CMC1: variants seen among roughly 807,000 people sequenced by gnomAD.
CMC1 encodes the protein C-X9-C motif containing 1, also known as COX assembly mitochondrial protein homolog.
CMC1 carries 14 observed loss-of-function variants against 14.1 expected under a neutral mutation model. That is an observed-to-expected ratio of 0.99 (90% CI 0.66 to 1.55). The LOEUF (loss-of-function observed/expected upper bound fraction) is 1.55, where lower values mean the gene tolerates loss of function less well. CMC1 is among the 40% of genes most tolerant of loss of function. The pLI is 0.00. For missense variants in CMC1, 127 were observed against 123.8 expected, an observed-to-expected ratio of 1.03 and a Z score of -0.12; for synonymous variants, 50 against 38.4, an observed-to-expected ratio of 1.30 and a Z score of -1.12.
At chr3:28,243,418 G>A (rs894872892) in intron 1 of CMC1, among the ~76,000 whole-genome samples, 5 of 152,210 alleles carry the variant, frequency 3.3e-5, no homozygotes, top group South Asian at 2.1e-4. Context: ...TGAGGAGACT[G>A]AGAATGAGAG....
chr3:28,251,751 A>G (rs1268308123), intron 1 of CMC1, among the ~76,000 whole-genome samples: 1 of 152,240 alleles, frequency 6.6e-6, no homozygotes, highest in Non-Finnish European at 1.5e-5. Context: ...AAGAACCAGT[A>G]GTAACATGGT....
intron 1 of CMC1, 70 bp from the exon 2 acceptor site, chr3:28,263,221 G>C (rs1699824435): frequency 7.6e-6 from 8 of 1,055,974 alleles, no homozygotes; most frequent in Non-Finnish European, 9.8e-6. Context: ...AAGTAAACCA[G>C]AGTCTTATTT....
At position 28,263,270 on chromosome 3, in the gene CMC1, GA is replaced by G; in HGVS notation, c.20-18del. ...GTGATTTGCTTGAGACTTTATTAAA[GA>G]AAGATCTTTTTTTTTTCAGACCAGC... On this transcript the variant is annotated intron_variant, in intron 1 of 3. Coordinates refer to ENST00000466830, the MANE Select transcript of CMC1 (RefSeq NM_182523.2). 1.3e-6 allele frequency: 2 copies of G among 1,550,622 alleles called. No homozygotes were observed. Among genetic ancestry groups the G allele is most frequent in the Non-Finnish European group, 1.8e-6 (2 of 1,137,490 alleles).
chr3:28,259,295 A>C (rs1001405696), intron 1 of CMC1, among the ~76,000 whole-genome samples: 3 of 152,118 alleles, frequency 2.0e-5, no homozygotes, highest in Non-Finnish European at 4.4e-5. Context: ...AAGGATAACA[A>C]TTGACATTGG....
chr3:28,254,176 CA>C (rs1699275719), intron 1 of CMC1, among the ~76,000 whole-genome samples: 1 of 152,078 alleles, frequency 6.6e-6, no homozygotes, highest in African/African-American at 2.4e-5. Flanking sequence ...AGCAAACTTT[CA>C]AAATTTAATT....
At chr3:28,288,480 A>G (rs1701310188) in intron 2 of CMC1, among the ~76,000 whole-genome samples, 1 of 152,014 alleles carries the variant, frequency 6.6e-6, no homozygotes, top group African/African-American at 2.4e-5. Flanking sequence ...ATTACCGTAA[A>G]TGTAACATTA....
intron 1 of CMC1, among the ~76,000 whole-genome samples, chr3:28,257,113 C>G (rs755827975): frequency 9.9e-5 from 15 of 152,152 alleles, no homozygotes; most frequent in Non-Finnish European, 1.9e-4. Context: ...GTGTTGAAAT[C>G]TCCCACTATG....
At chr3:28,245,550 T>C (rs1325140395) in intron 1 of CMC1, among the ~76,000 whole-genome samples, 1 of 152,222 alleles carries the variant, frequency 6.6e-6, no homozygotes, top group African/African-American at 2.4e-5. Context: ...AAGGGAAGTT[T>C]CCTTAATCAG....
At chr3:28,290,768 G>T (rs1701431131) in intron 2 of CMC1, among the ~76,000 whole-genome samples, 1 of 151,862 alleles carries the variant, frequency 6.6e-6, no homozygotes, top group Non-Finnish European at 1.5e-5. Context: ...TTTAAAACGA[G>T]GATTAACATT....
At chr3:28,275,571 AT>A (rs1303921366) in intron 2 of CMC1, among the ~76,000 whole-genome samples, 1 of 151,578 alleles carries the variant, frequency 6.6e-6, no homozygotes, top group Non-Finnish European at 1.5e-5. Flanking sequence ...CAACCCCCCG[AT>A]TGGGTCTCAC....
intron 1 of CMC1, among the ~76,000 whole-genome samples, chr3:28,260,515 T>G (rs533463102): frequency 6.6e-6 from 1 of 152,224 alleles, no homozygotes; most frequent in East Asian, 1.9e-4. Flanking sequence ...GTTTATAAAT[T>G]TTATTGATCT....
At chr3:28,295,435 A>G (rs1701687768) in intron 2 of CMC1, among the ~76,000 whole-genome samples, 1 of 152,144 alleles carries the variant, frequency 6.6e-6, no homozygotes, top group African/African-American at 2.4e-5. Flanking sequence ...CACTGGCTAT[A>G]AAAACTATGT....
At chr3:28,276,533 A>G (rs190008972) in intron 2 of CMC1, among the ~76,000 whole-genome samples, 3 of 152,304 alleles carry the variant, frequency 2.0e-5, no homozygotes, top group East Asian at 1.9e-4. Context: ...TTATTTTGCT[A>G]TAATAGACTT....
At chr3:28,292,005 T>C (rs1384332249) in intron 2 of CMC1, 1 of 152,184 alleles carries the variant, frequency 6.6e-6, no homozygotes, top group African/African-American at 2.4e-5. Flanking sequence ...TTTGTTTTGT[T>C]TTTGTTTTTG....
chr3:28,245,055 C>T (rs1037715836), intron 1 of CMC1, among the ~76,000 whole-genome samples: 1 of 151,380 alleles, frequency 6.6e-6, no homozygotes, highest in Non-Finnish European at 1.5e-5. Flanking sequence ...TGGTATTTGC[C>T]CATATTGAGT....
chr3:28,267,356 C>T (rs949933768), intron 2 of CMC1, among the ~76,000 whole-genome samples: 14 of 152,070 alleles, frequency 9.2e-5, no homozygotes, highest in Admixed American at 2.6e-4. Flanking sequence ...TGGATAATGA[C>T]GTTTGCTTTA....
chr3:28,264,341 C>A (rs764545171), intron 2 of CMC1, among the ~76,000 whole-genome samples: 1 of 152,108 alleles, frequency 6.6e-6, no homozygotes, highest in Non-Finnish European at 1.5e-5. Flanking sequence ...ATACTAGGAA[C>A]GCTTTTGTTC....
Position 28,323,945 on chromosome 3 carries a change from T to C in CMC1, c.*4316T>C. 1 of 1,403,680 alleles carries C rather than the reference T, an allele frequency of 7.1e-7. No homozygotes were observed. The highest frequency in any genetic ancestry group is 9.7e-7 in the Non-Finnish European group (1 of 1,033,714). 87.0% of individuals were successfully genotyped at this position (1,403,680 alleles called of 1,614,324 possible). On this transcript the variant is annotated 3_prime_UTR_variant, in exon 4 of 4. Coordinates refer to ENST00000466830, the MANE Select transcript of CMC1 (RefSeq NM_182523.2). Reference sequence around the variant, plus strand: ...AGATACTGAAGACCTCTGCAAAATTTTAATCAAAATCTCCTTTCAGTTTGT... The same window carrying C: ...AGATACTGAAGACCTCTGCAAAATTCTAATCAAAATCTCCTTTCAGTTTGT...
intron 2 of CMC1, among the ~76,000 whole-genome samples, chr3:28,272,418 T>G (rs537203705): frequency 2.6e-5 from 4 of 152,324 alleles, no homozygotes; most frequent in African/African-American, 9.6e-5. Flanking sequence ...TATTGATGGT[T>G]TTTAACATGA....
Sources: gnomAD v4.1 joint callset for allele counts (sites outside exome capture counted in the v4.1 genomes callset) on GRCh38, gnomAD v4.1.1 for gene constraint, MANE v1.5 for transcripts, NCBI Gene and HGNC (gene_info 2026-07-23, HGNC 2026-07-21) for gene names.